YJEFN3: variants seen among roughly 807,000 people sequenced by gnomAD.
YJEFN3 encodes yjeF N-terminal domain-containing protein 3.
Under a neutral mutation model 31.5 loss-of-function variants are expected in YJEFN3, and 29 were observed. The ratio of observed to expected loss-of-function variants is 0.92; its 90% CI spans 0.69 to 1.26. The LOEUF (loss-of-function observed/expected upper bound fraction) is 1.26. Ranked by LOEUF, YJEFN3 falls within the 50% of genes most tolerant of loss-of-function variation. The pLI is 0.00. For missense variants in YJEFN3, 442 were observed against 425.4 expected, an observed-to-expected ratio of 1.04 and a Z score of -0.34; for synonymous variants, 227 against 196.1, an observed-to-expected ratio of 1.16 and a Z score of -1.32.
Position 19,535,463 on chromosome 19 carries a change from T to A in YJEFN3, c.543+13T>A. 1 of 1,613,342 alleles carries A rather than the reference T, an allele frequency of 6.2e-7. No homozygotes were observed. The highest frequency in any genetic ancestry group is 8.5e-7 in the Non-Finnish European group (1 of 1,179,642). ...CCTGCCCACTGAGGTCAGCGCTGGG[T>A]GGCAAGCAAGGGGGACATGGTGTGC... is the stretch of plus-strand genomic sequence containing the variant. On this transcript the variant is annotated intron_variant, in intron 5 of 6. Coordinates refer to ENST00000514277, the MANE Select transcript of YJEFN3 (RefSeq NM_198537.4).
intron 2 of YJEFN3, among the ~76,000 whole-genome samples, chr19:19,530,953 G>A (rs2061150423): frequency 6.6e-6 from 1 of 152,172 alleles, no homozygotes; most frequent in East Asian, 1.9e-4. Flanking sequence ...CTGTCCGCTT[G>A]ATCACTCTGC....
rs756431819 is a variant in YJEFN3 at position 19,529,345 on chromosome 19, C to G, written c.60-19C>G. On this transcript the variant is annotated intron_variant, in intron 1 of 6. Coordinates refer to ENST00000514277, the MANE Select transcript of YJEFN3 (RefSeq NM_198537.4). ...CCGAACCCCAACCGTGGCCCACCCC[C>G]ACTCTCCATCTCTCCCAGGGCCTTG... The G allele has an allele frequency of 2.5e-6, 4 of 1,600,940 alleles. No individual in the cohort carries two copies. Among genetic ancestry groups the G allele is most frequent in the African/African-American group, 1.3e-5 (1 of 74,668 alleles).
chr19:19,532,704 G>A lies in YJEFN3; in HGVS notation c.282G>A (p.Glu94=). 2 of 1,575,554 alleles carry A rather than the reference G, an allele frequency of 1.3e-6. No individual in the cohort carries two copies. Residue 94 remains glutamate, a synonymous_variant, in exon 3 of 7, where the codon GAG becomes GAA. Coordinates refer to ENST00000514277, the MANE Select transcript of YJEFN3 (RefSeq NM_198537.4). The stretch of plus-strand genomic sequence containing the variant: ...GCTTTGGGCGGCAGCAGCTCGTGGA[G>A]CTGTGCGGTCATGCTAGTGCCGTGG... ...DYRFGRQQLV[E]LCGHASAVAV... is the part of the protein sequence containing the mutation.
chr19:19,530,497 T>A (rs2061144977), intron 2 of YJEFN3, among the ~76,000 whole-genome samples: 1 of 151,270 alleles, frequency 6.6e-6, no homozygotes, highest in African/African-American at 2.4e-5. Flanking sequence ...ATGTTCCAAG[T>A]GGCTGCTAGA....
At chr19:19,533,490 TTC>T in intron 3 of YJEFN3, 1 of 855,722 alleles carries the variant, frequency 1.2e-6, no homozygotes, top group African/African-American at 2.0e-5. Context: ...TCCTCCTCCT[TTC>T]TCTCTCCCTC....
Position 19,534,309 on chromosome 19 carries a change from G to A in YJEFN3, c.319-725G>A, listed in dbSNP as rs2144664027. On this transcript the variant is annotated intron_variant, in intron 3 of 6. Transcript: ENST00000514277. This position sits in a 1 kb window ranked among gnomAD's most constrained non-coding sequence, Gnocchi z 4.6. ...GACATACAGAAAGACAGAGACACTA[G>A]AGTCTGAGAGATACAGACAGACACA... 1 of 374,290 alleles carries A rather than the reference G, an allele frequency of 2.7e-6. No homozygotes were observed. Among genetic ancestry groups the A allele is most frequent in the Non-Finnish European group, 3.7e-6 (1 of 271,214 alleles). The allele number at this position is 374,290 out of a possible 1,614,324, so 23.2% of individuals were successfully genotyped here.
rs766844620 is a variant in YJEFN3 at position 19,534,268 on chromosome 19, GAGAA to G, written c.319-762_319-759del. On this transcript the variant is annotated intron_variant, in intron 3 of 6. Coordinates refer to ENST00000514277, the MANE Select transcript of YJEFN3 (RefSeq NM_198537.4). The surrounding 1 kb of genome is among the most constrained non-coding windows in gnomAD (Gnocchi z 4.6). ...AGACAAATGGAGAGAGAGACAAATG[GAGAA>G]AGAGAGCCAGAGACATACAGAAAGA... The G allele has an allele frequency of 2.2e-4, 157 of 710,008 alleles. No homozygotes were observed. The highest frequency in any genetic ancestry group is 7.6e-4 in the South Asian group (12 of 15,704). 44.0% of individuals were successfully genotyped at this position (710,008 alleles called of 1,614,324 possible).
chr19:19,531,640 G>A (rs549135442), intron 2 of YJEFN3, among the ~76,000 whole-genome samples: 13 of 151,526 alleles, frequency 8.6e-5, no homozygotes, highest in East Asian at 1.9e-4. Flanking sequence ...AGGTGGAGAC[G>A]GACCCCAGTC....
At chr19:19,532,150 C>G (rs980412682) in intron 2 of YJEFN3, among the ~76,000 whole-genome samples, 1 of 152,208 alleles carries the variant, frequency 6.6e-6, no homozygotes, top group African/African-American at 2.4e-5. Context: ...AACACTGCAG[C>G]CTTAAAAACC....
chr19:19,532,380 T>A (rs1229242120), intron 2 of YJEFN3, among the ~76,000 whole-genome samples: 1 of 152,252 alleles, frequency 6.6e-6, no homozygotes, highest in Non-Finnish European at 1.5e-5. Flanking sequence ...CCAGCGCATC[T>A]TCTGCCACCA....
Position 19,535,245 on chromosome 19 carries a change from G to A in YJEFN3, c.430-92G>A, listed in dbSNP as rs1249104829. On this transcript the variant is annotated intron_variant, in intron 4 of 6. Transcript: ENST00000514277. ...CCAGGGGGACATTGACGCAGGGCCA[G>A]GTTATAGAATATGCCCAGTGCTTGT... is the stretch of plus-strand genomic sequence containing the variant. 3 of 1,515,036 alleles carry A rather than the reference G, an allele frequency of 2.0e-6. No individual in the cohort carries two copies. In the African/African-American group the frequency reaches 4.1e-5, roughly 21 times the overall value. 93.8% of individuals were successfully genotyped at this position (1,515,036 alleles called of 1,614,324 possible). A position where few individuals can be genotyped will look rare whatever the true frequency, so the allele number is the denominator to read the frequency against.
At chr19:19,536,287 G>A (rs2061208738) in intron 6 of YJEFN3, among the ~76,000 whole-genome samples, 1 of 152,222 alleles carries the variant, frequency 6.6e-6, no homozygotes, top group East Asian at 1.9e-4. Flanking sequence ...AAGGATTAAA[G>A]TCTGAGGGAG....
intron 3 of YJEFN3, chr19:19,533,674 T>C (rs1316839384): frequency 2.0e-6 from 2 of 985,310 alleles, no homozygotes; most frequent in Non-Finnish European, 2.4e-6. Context: ...TACCACGGTA[T>C]ACTTTTTAAA....
Position 19,529,488 on chromosome 19 carries a change from T to G in YJEFN3, c.184T>G (p.Trp62Gly). Residue 62 changes from tryptophan (W) to glycine (G), a missense_variant, in exon 2 of 7, where the codon TGG becomes GGG. Physicochemically the swap from Trp to Gly is radical, Grantham distance 184. Transcript: ENST00000514277. ...AAGGCAGTCATGGCTAGAGCAGATT[T>G]GGAACGCAGGGCCTGTTTGCCAGAG... ...WGRQSWLEQI[W>G]NAGPVCQSTA... 1 of 1,614,064 alleles carries G rather than the reference T, an allele frequency of 6.2e-7. No individual in the cohort carries two copies. Among genetic ancestry groups the G allele is most frequent in the African/African-American group, 1.3e-5 (1 of 75,050 alleles).
intron 2 of YJEFN3, among the ~76,000 whole-genome samples, chr19:19,529,715 T>C (rs4808967): frequency 0.43 from 65,470 of 151,780 alleles, 15,509 homozygotes; most frequent in African/African-American, 0.63. Context: ...GAAGAGTGTT[T>C]TAGGAGCTGT....
chr19:19,530,531 A>G (rs1170991159), intron 2 of YJEFN3, among the ~76,000 whole-genome samples: 1 of 152,104 alleles, frequency 6.6e-6, no homozygotes, highest in East Asian at 1.9e-4. Context: ...GGACAGAAGA[A>G]GAGGAATGCA....
In YJEFN3 at chr19:19,528,968, G is replaced by C. The variant is rs1189749598; in HGVS notation, c.36G>C (p.Ala12=). ...SSAAGPDPSE[A]PEERHFLRAL... The stretch of plus-strand genomic sequence containing the variant: ...CAGCCGGCCCAGACCCGTCGGAGGC[G>C]CCCGAAGAGCGGCATTTCCTCAGGT... Residue 12 remains alanine, a synonymous_variant, in exon 1 of 7, where the codon GCG becomes GCC. Transcript: ENST00000514277. The C allele has an allele frequency of 3.2e-6, 5 of 1,550,088 alleles. No individual in the cohort carries two copies. In the Admixed American group the frequency reaches 7.8e-5, roughly 24 times the overall value.
In YJEFN3 at chr19:19,528,964, A is replaced by T. The variant is rs746220567; in HGVS notation, c.32A>T (p.Glu11Val). Residue 11 changes from glutamate to valine, a missense_variant, in exon 1 of 7, where the codon GAG becomes GTG. Coordinates refer to ENST00000514277, the MANE Select transcript of YJEFN3 (RefSeq NM_198537.4). MSSAAGPDPS[E>V]APEERHFLRA... Reference sequence around the variant, plus strand: ...AGCGCAGCCGGCCCAGACCCGTCGGAGGCGCCCGAAGAGCGGCATTTCCTC... The same window carrying T: ...AGCGCAGCCGGCCCAGACCCGTCGGTGGCGCCCGAAGAGCGGCATTTCCTC... The T allele has an allele frequency of 6.5e-7, 1 of 1,550,064 alleles. No individual in the cohort carries two copies. Among genetic ancestry groups the T allele is most frequent in the South Asian group, 1.2e-5 (1 of 83,978 alleles).
At position 19,529,380 on chromosome 19, in the gene YJEFN3, C is replaced by T. The variant is rs955470156; in HGVS notation, c.76C>T (p.Pro26Ser). The change falls in exon 2 of 7, where the codon CCC becomes TCC. Residue 26 changes from proline to serine, a missense_variant. By Grantham distance (74) the Pro-to-Ser change is moderately conservative. Coordinates refer to ENST00000514277, the MANE Select transcript of YJEFN3 (RefSeq NM_198537.4). The stretch of plus-strand genomic sequence containing the variant: ...CTCTCCCAGGGCCTTGGAGCTGCAG[C>T]CCCCACTTGCCGACATGGGAAGAGC... ...RHFLRALELQPPLADMGRAEL... is the reference protein window; with the variant it reads ...RHFLRALELQSPLADMGRAEL... 2 of 1,612,826 alleles carry T rather than the reference C, an allele frequency of 1.2e-6. No individual in the cohort carries two copies. Among genetic ancestry groups the T allele is most frequent in the Non-Finnish European group, 1.7e-6 (2 of 1,179,418 alleles).
Sources: allele counts gnomAD v4.1 joint callset (sites outside exome capture counted in the v4.1 genomes callset), GRCh38; gene constraint gnomAD v4.1.1; non-coding constraint Gnocchi (gnomAD v3.1); transcripts MANE v1.5; gene names NCBI Gene and HGNC (gene_info 2026-07-23, HGNC 2026-07-21).